Variants in ADK observed in about 807,000 individuals in gnomAD.
The protein encoded by ADK is adenosine kinase, also known as N6,N6-dimethyladenosine kinase.
Under a neutral mutation model 44.7 loss-of-function variants are expected in ADK, and 24 were observed. The ratio of observed to expected loss-of-function variants is 0.54; its 90% CI spans 0.39 to 0.76. ADK has a LOEUF of 0.76. ADK is among the 30% of genes least tolerant of loss of function. The pLI is 0.00. For synonymous variants in ADK, 128 were observed against 142.6 expected (o/e 0.90, Z 0.73); for missense variants, 321 against 425.1 (o/e 0.76, Z 2.15).
At chr10:74,649,355 G>A (rs540316693) in intron 9 of ADK, among the ~76,000 whole-genome samples, 2 of 152,320 alleles carry the variant, frequency 1.3e-5, no homozygotes, top group African/African-American at 4.8e-5. Flanking sequence ...GCCGGGCACA[G>A]TGTCTCACCC....
At chr10:74,567,667 TTCTC>T (rs1052029556) in intron 7 of ADK, among the ~76,000 whole-genome samples, 3 of 151,458 alleles carry the variant, frequency 2.0e-5, no homozygotes, top group Non-Finnish European at 4.4e-5. Context: ...ATTTCTTTTG[TTCTC>T]TCTCTCTCTG....
chr10:74,162,521 T>G (rs544989246), intron 1 of ADK, among the ~76,000 whole-genome samples: 118 of 141,986 alleles, frequency 8.3e-4, no homozygotes, highest in African/African-American at 2.9e-3. Context: ...TGCATTTCTT[T>G]TGTGTGTGTG....
intron 1 of ADK, chr10:74,176,543 G>A (rs1842344420): frequency 1.6e-6 from 2 of 1,278,112 alleles, no homozygotes; most frequent in Non-Finnish European, 2.0e-6. Context: ...GCGGGGTGAC[G>A]GGACGCTGTT....
chr10:74,606,646 T>G (rs1379272635), intron 9 of ADK, among the ~76,000 whole-genome samples: 1 of 152,220 alleles, frequency 6.6e-6, no homozygotes, highest in African/African-American at 2.4e-5. Context: ...AGGAGTGTTT[T>G]ACTTCCAATT....
At chr10:74,506,767 A>AT (rs1848092785) in intron 6 of ADK, among the ~76,000 whole-genome samples, 1 of 152,198 alleles carries the variant, frequency 6.6e-6, no homozygotes, top group Non-Finnish European at 1.5e-5. Flanking sequence ...GTTTTGATAG[A>AT]TTTTAACTTT....
chr10:74,456,490 T>C, intron 6 of ADK, among the ~76,000 whole-genome samples: 2 of 151,664 alleles, frequency 1.3e-5, no homozygotes, highest in South Asian at 4.2e-4. Flanking sequence ...CTGGCTAACA[T>C]GGTGAAACTC....
chr10:74,281,730 A>G (rs1846944092), intron 3 of ADK, among the ~76,000 whole-genome samples: 1 of 152,260 alleles, frequency 6.6e-6, no homozygotes. Context: ...TTCAGATTAC[A>G]TAAATATGAA....
At chr10:74,418,368 T>C (rs1592182946) in intron 6 of ADK, among the ~76,000 whole-genome samples, 3 of 152,218 alleles carry the variant, frequency 2.0e-5, no homozygotes, top group South Asian at 4.2e-4. Context: ...GATTTTTTTT[T>C]CCAGTGGAAT....
At chr10:74,576,683 A>T (rs1184009636) in intron 7 of ADK, among the ~76,000 whole-genome samples, 1 of 152,118 alleles carries the variant, frequency 6.6e-6, no homozygotes, top group African/African-American at 2.4e-5. Context: ...ACAAAAAGTT[A>T]ATTTTACATC....
At chr10:74,179,670 T>C (rs1296588509) in intron 1 of ADK, among the ~76,000 whole-genome samples, 1 of 152,238 alleles carries the variant, frequency 6.6e-6, no homozygotes, top group Non-Finnish European at 1.5e-5. Context: ...AGTTCTGAGA[T>C]ATCAGAACTG....
intron 3 of ADK, among the ~76,000 whole-genome samples, chr10:74,307,345 A>G (rs959440457): frequency 1.3e-5 from 2 of 152,166 alleles, no homozygotes; most frequent in Non-Finnish European, 2.9e-5. Flanking sequence ...AGGTTTGGGA[A>G]ATGTCAAATT....
intron 4 of ADK, among the ~76,000 whole-genome samples, chr10:74,361,011 G>A (rs907892163): frequency 6.6e-6 from 1 of 152,088 alleles, no homozygotes; most frequent in East Asian, 1.9e-4. Context: ...TGGTTCAAGC[G>A]ATTCTTCTGC....
At chr10:74,240,924 T>A (rs1020818747) in intron 3 of ADK, among the ~76,000 whole-genome samples, 1 of 152,256 alleles carries the variant, frequency 6.6e-6, no homozygotes, top group Admixed American at 6.5e-5. Context: ...ATTGCTGATT[T>A]CAGGTTTCAC....
intron 6 of ADK, among the ~76,000 whole-genome samples, chr10:74,471,524 CTA>C (rs1053586287): frequency 2.0e-5 from 3 of 151,934 alleles, no homozygotes; most frequent in African/African-American, 7.2e-5. Context: ...GAATTTTTTT[CTA>C]TATCTGCAAA....
At chr10:74,649,887 G>A (rs138814838) in intron 9 of ADK, among the ~76,000 whole-genome samples, 4 of 152,246 alleles carry the variant, frequency 2.6e-5, no homozygotes, top group African/African-American at 9.6e-5. Flanking sequence ...TTTCCTGAAG[G>A]TCTAAAAGAT....
rs1564642239 is a variant in ADK, at chr10:74,302,101, G to GTTTTTTTTTTTTTTTTTTTTTTTTT, written c.195-12563_195-12562insTTTTTTTTTTTTTTTTTTTTTTTTT. Among the ~76,000 whole-genome samples, 5 of 11,708 alleles carry GTTTTTTTTTTTTTTTTTTTTTTTTT rather than the reference G, an allele frequency of 4.3e-4. 1 individual carries two copies. Among genetic ancestry groups the GTTTTTTTTTTTTTTTTTTTTTTTTT allele is most frequent in the African/African-American group, 1.1e-3 (4 of 3,544 alleles). The allele number at this position is 11,708 out of a possible 152,430, so 7.7% of individuals were successfully genotyped here. On this transcript the variant is annotated intron_variant, in intron 3 of 10. Transcript: ENST00000539909. The stretch of plus-strand genomic sequence containing the variant: ...TTCTTTTCTTTTCTGTTTTTTTTTT[G>GTTTTTTTTTTTTTTTTTTTTTTTTT]TTTGTTTGTTTTTTTTTTTTTTTTT...
chr10:74,345,657 A>G (rs1314814084), intron 4 of ADK, among the ~76,000 whole-genome samples: 1 of 152,106 alleles, frequency 6.6e-6, no homozygotes, highest in Non-Finnish European at 1.5e-5. Context: ...GTAACTTTCT[A>G]TCTACAGTGT....
At chr10:74,227,783 C>T (rs1844599893) in intron 3 of ADK, among the ~76,000 whole-genome samples, 1 of 152,016 alleles carries the variant, frequency 6.6e-6, no homozygotes, top group Non-Finnish European at 1.5e-5. Context: ...GGAAAAGTTG[C>T]AGTGAGCCAA....
chr10:74,590,358 G>A (rs1057017156), intron 8 of ADK, among the ~76,000 whole-genome samples: 12 of 152,110 alleles, frequency 7.9e-5, no homozygotes, highest in Admixed American at 2.6e-4. Flanking sequence ...AGCTCACTTT[G>A]AACTCTAGAG....
Sources: gnomAD v4.1 joint callset for allele counts (sites outside exome capture counted in the v4.1 genomes callset) on GRCh38, gnomAD v4.1.1 for gene constraint, MANE v1.5 for transcripts, NCBI Gene and HGNC (gene_info 2026-07-23, HGNC 2026-07-21) for gene names.